The following DCP1A variants were observed in gnomAD, a reference collection of about 807,000 sequenced individuals.
DCP1A encodes the protein mRNA-decapping enzyme 1A.
A neutral mutation model predicts 58.0 loss-of-function variants in DCP1A; 20 were observed. The ratio of observed to expected loss-of-function variants is 0.34; its 90% confidence interval spans 0.24 to 0.50. DCP1A has a LOEUF of 0.50. Among genes scored for constraint, DCP1A ranks in the 20% least tolerant of loss-of-function variants. The pLI is 0.98. For synonymous variants in DCP1A, 285 were observed against 275.1 expected (o/e 1.04, Z -0.36); for missense variants, 613 against 712.2 (o/e 0.86, Z 1.59).
chr3:53,333,148 T>G (rs1190116081), intron 3 of DCP1A: 1 of 151,696 alleles, frequency 6.6e-6, no homozygotes, highest in Non-Finnish European at 1.5e-5. Context: ...TTTTGGTTTT[T>G]TTTTTTTTTT....
chr3:53,307,347 A>C (rs2106826466), intron 5 of DCP1A, among the ~76,000 whole-genome samples: 1 of 152,232 alleles, frequency 6.6e-6, no homozygotes, highest in Non-Finnish European at 1.5e-5. Flanking sequence ...CCAGATTTGT[A>C]ATTTTTAGAG....
intron 8 of DCP1A, among the ~76,000 whole-genome samples, chr3:53,290,477 A>C (rs1158425774): frequency 6.6e-6 from 1 of 152,128 alleles, no homozygotes; most frequent in African/African-American, 2.4e-5. Flanking sequence ...CAGAAGCCAC[A>C]GCAATGGACT....
chr3:53,318,777 T>C (rs544326071), intron 4 of DCP1A, among the ~76,000 whole-genome samples: 1 of 152,240 alleles, frequency 6.6e-6, no homozygotes, highest in Non-Finnish European at 1.5e-5. Context: ...ATGAGTGGAT[T>C]GGGGCCTGTT....
rs782117070 is a variant in DCP1A at position 53,304,224 on chromosome 3, C to G, written c.577G>C (p.Gly193Arg). The G allele has an allele frequency of 6.2e-7, 1 of 1,613,570 alleles. No homozygotes were observed. The highest frequency in any genetic ancestry group is 1.3e-5 in the African/African-American group (1 of 74,830). ...LQPSTQLSNL[G>R]STETLEEMPS... The stretch of plus-strand genomic sequence containing the variant: ...ATTTCTTCTAGAGTCTCGGTGCTTC[C>G]CAGATTGGAGAGCTGAGTGCTTGGC... The change falls in exon 6 of 10, where the codon GGA becomes CGA. Residue 193 changes from glycine (G) to arginine (R), a missense_variant. Physicochemically the swap from Gly to Arg is moderately radical, Grantham distance 125. Transcript: ENST00000610213.
At chr3:53,309,063 T>C (rs906829225) in intron 5 of DCP1A, among the ~76,000 whole-genome samples, 1 of 152,158 alleles carries the variant, frequency 6.6e-6, no homozygotes, top group Non-Finnish European at 1.5e-5. Flanking sequence ...CAACTATCTT[T>C]CTTTACATAA....
intron 3 of DCP1A, among the ~76,000 whole-genome samples, chr3:53,336,471 A>T (rs781994293): frequency 5.3e-5 from 8 of 152,142 alleles, no homozygotes; most frequent in Non-Finnish European, 8.8e-5. Context: ...TGGTATTTAC[A>T]TCCATTAGAG....
chr3:53,321,459 C>T (rs1553689935), intron 3 of DCP1A, among the ~76,000 whole-genome samples: 1 of 152,212 alleles, frequency 6.6e-6, no homozygotes, highest in Non-Finnish European at 1.5e-5. Context: ...GTGGCTCACG[C>T]CTGTAATCCC....
chr3:53,327,865 G>A (rs1477244012), intron 3 of DCP1A, among the ~76,000 whole-genome samples: 2 of 151,756 alleles, frequency 1.3e-5, no homozygotes, highest in Non-Finnish European at 2.9e-5. Context: ...GCTCACGTCT[G>A]TAATCCCAGC....
intron 6 of DCP1A, among the ~76,000 whole-genome samples, chr3:53,299,765 C>A (rs531537971): frequency 6.6e-6 from 1 of 152,204 alleles, no homozygotes; most frequent in East Asian, 1.9e-4. Flanking sequence ...CTGCCTGTGG[C>A]GGCTGATGAT....
intron 3 of DCP1A, among the ~76,000 whole-genome samples, chr3:53,320,035 G>A (rs560623028): frequency 1.3e-5 from 2 of 152,022 alleles, no homozygotes; most frequent in Non-Finnish European, 2.9e-5. Context: ...GGCTGAGGCA[G>A]GAGAATCGCT....
chr3:53,324,227 T>A (rs1708049359), intron 3 of DCP1A, among the ~76,000 whole-genome samples: 1 of 152,198 alleles, frequency 6.6e-6, no homozygotes, highest in Non-Finnish European at 1.5e-5. Context: ...GCTTAATGGG[T>A]AAGGGATAAG....
At chr3:53,293,662 C>T (rs1707009334) in intron 6 of DCP1A, among the ~76,000 whole-genome samples, 1 of 152,116 alleles carries the variant, frequency 6.6e-6, no homozygotes, top group Non-Finnish European at 1.5e-5. Context: ...TCTGTTTATA[C>T]TGAAAAAATT....
chr3:53,312,543 T>A (rs1449800750), intron 4 of DCP1A, among the ~76,000 whole-genome samples, 164 bp from the exon 5 acceptor site: 3 of 149,682 alleles, frequency 2.0e-5, no homozygotes, highest in African/African-American at 7.4e-5. Context: ...TCGCCCAGGC[T>A]GGAGTGCAGT....
At chr3:53,309,114 G>A (rs1460396963) in intron 5 of DCP1A, among the ~76,000 whole-genome samples, 6 of 152,142 alleles carry the variant, frequency 3.9e-5, no homozygotes, top group Non-Finnish European at 5.9e-5. Flanking sequence ...GCTCACGCCT[G>A]TAATCCCAGG....
chr3:53,298,857 A>G (rs1707220070), intron 6 of DCP1A, among the ~76,000 whole-genome samples: 1 of 152,204 alleles, frequency 6.6e-6, no homozygotes, highest in Admixed American at 6.5e-5. Flanking sequence ...AGAATATAAT[A>G]TTGTGTTTTT....
At chr3:53,346,511 G>A (rs183625379) in intron 1 of DCP1A, among the ~76,000 whole-genome samples, 2 of 152,184 alleles carry the variant, frequency 1.3e-5, no homozygotes, top group African/African-American at 4.8e-5. Flanking sequence ...TACTTTCTAA[G>A]TGTAAAGCCT....
At chr3:53,311,652 C>T (rs1173320827) in intron 5 of DCP1A, among the ~76,000 whole-genome samples, 2 of 152,092 alleles carry the variant, frequency 1.3e-5, no homozygotes, top group Non-Finnish European at 2.9e-5. Flanking sequence ...CAATTACAGA[C>T]CATGAGTGTA....
chr3:53,325,155 T>C (rs1305980651), intron 3 of DCP1A, among the ~76,000 whole-genome samples: 1 of 152,222 alleles, frequency 6.6e-6, no homozygotes, highest in African/African-American at 2.4e-5. Flanking sequence ...TATGATTTCA[T>C]ATAAAATATT....
Position 53,347,502 on chromosome 3 carries a change from G to C in DCP1A, c.16C>G (p.Arg6Gly). The part of the protein sequence containing the change: MEALS[R>G]AGQEMSLAAL... ...GCTAGGCTCATCTCCTGCCCAGCTCGACTCAGCGCCTCCATCTTGAATCCC... is the reference window on the plus strand; with the variant it reads ...GCTAGGCTCATCTCCTGCCCAGCTCCACTCAGCGCCTCCATCTTGAATCCC... The change falls in exon 1 of 10, where the codon CGA becomes GGA. Residue 6 changes from arginine (R) to glycine (G), a missense_variant. Arg to Gly is a moderately radical substitution (Grantham distance 125). Around this residue, in one of 3 missense-constraint regions of DCP1A, gnomAD observed 50 missense variants for 37.0 expected, o/e 1.35. Coordinates refer to ENST00000610213, the MANE Select transcript of DCP1A (RefSeq NM_018403.7). 3 of 1,612,120 alleles carry C rather than the reference G, an allele frequency of 1.9e-6. No individual in the cohort carries two copies. The highest frequency in any genetic ancestry group is 3.3e-4 in the Middle Eastern group (2 of 6,050).
Sources: allele counts gnomAD v4.1 joint callset (sites outside exome capture counted in the v4.1 genomes callset), GRCh38; gene constraint gnomAD v4.1.1; regional missense constraint gnomAD v4.1.1; transcripts MANE v1.5; gene names NCBI Gene and HGNC (gene_info 2026-07-23, HGNC 2026-07-21).